The following ZMYM3 variants were observed in gnomAD, a reference collection of about 807,000 sequenced individuals.
ZMYM3 encodes the protein zinc finger MYM-type protein 3.
Under a neutral mutation model 94.2 loss-of-function variants are expected in ZMYM3, and 6 were observed. That is an observed-to-expected ratio of 0.06 (90% CI 0.03 to 0.13). ZMYM3 has a LOEUF of 0.13. ZMYM3 is among the 10% of genes least tolerant of loss of function. The pLI, the probability that ZMYM3 is intolerant of heterozygous loss-of-function variation, is 1.00. For missense variants in ZMYM3, 664 were observed against 1,132.6 expected (o/e 0.59, Z 5.94); for synonymous variants, 420 against 426.5 (o/e 0.98, Z 0.19).
intron 23 of ZMYM3, among the ~76,000 whole-genome samples, chrX:71,241,734 A>G (rs181734117): frequency 6.3e-5 from 7 of 111,875 alleles, no homozygotes; most frequent in Non-Finnish European, 7.5e-5. Flanking sequence ...GCATGGGTCC[A>G]GAGAAAGGAC....
chrX:71,250,095 C>G lies in ZMYM3; in HGVS notation c.1182G>C (p.Gln394His). The G allele has an allele frequency of 1.7e-6, 2 of 1,207,486 alleles. No homozygotes were observed. Among genetic ancestry groups the G allele is most frequent in the Non-Finnish European group, 2.2e-6 (2 of 893,700 alleles). ...GATCCCCAGACTGGGGGATCGGGCG[C>G]TGCTGCTGGGCCTCATACAGGGAGA... ...VCLSLYEAQQ[Q>H]RPIPQSGDPA... Residue 394 changes from glutamine (Q) to histidine (H), a missense_variant, in exon 6 of 25, where the codon CAG becomes CAC. Coordinates refer to ENST00000314425, the MANE Select transcript of ZMYM3 (RefSeq NM_201599.3).
chrX:71,250,850 G>T, intron 4 of ZMYM3, 124 bp from the exon 5 acceptor site: 2 of 685,125 alleles, frequency 2.9e-6, no homozygotes, highest in Non-Finnish European at 2.1e-6. Context: ...CCTGGCCCTT[G>T]TTACATCAGT....
rs370697599 is a variant in ZMYM3 at position 71,251,586 on chromosome X, G to A, written c.683C>T (p.Ala228Val). 6.9e-5 allele frequency: 82 copies of A among 1,189,416 alleles called. No individual in the cohort carries two copies. The Middle Eastern group carries it at 2.6e-3, about 37-fold the overall frequency. ...HPSLPGDGLT[A>V]KASEKPPERK... ...TTCAGGCGGCTTCTCACTCGCCTTC[G>A]CAGTCAGGCCATCTCCTGCAAAGGA... Residue 228 changes from alanine to valine, a missense_variant, in exon 3 of 25, where the codon GCG becomes GTG. By Grantham distance (64) the Ala-to-Val change is moderately conservative. Transcript: ENST00000314425.
At position 71,240,781 on chromosome X, in the gene ZMYM3, A is replaced by G; in HGVS notation, c.*135T>C. ...AAAAGCCAGGGTTCCTAGAGAAGGC[A>G]GGGAATGGGTGAGCGGAAAGGAGCA... On this transcript the variant is annotated 3_prime_UTR_variant, in exon 25 of 25. Coordinates refer to ENST00000314425, the MANE Select transcript of ZMYM3 (RefSeq NM_201599.3). 1 of 628,509 alleles carries G rather than the reference A, an allele frequency of 1.6e-6. No homozygotes were observed. The highest frequency in any genetic ancestry group is 2.4e-6 in the Non-Finnish European group (1 of 413,362). The allele number at this position is 628,509 out of a possible 1,213,427, so 51.8% of individuals were successfully genotyped here.
At chrX:71,251,961 G>C in intron 2 of ZMYM3, 1 of 598,922 alleles carries the variant, frequency 1.7e-6, no homozygotes, top group Non-Finnish European at 2.0e-6. Context: ...GGAAGCATCA[G>C]TGTATGGGTA....
At chrX:71,245,608 C>A in intron 17 of ZMYM3, 60 bp downstream of exon 17, 1 of 1,179,181 alleles carries the variant, frequency 8.5e-7, no homozygotes, top group Non-Finnish European at 1.1e-6. Flanking sequence ...ATACCACCCC[C>A]TCGGGCAGAG....
At position 71,253,160 on chromosome X, in the gene ZMYM3, C is replaced by G; in HGVS notation, c.96G>C (p.Glu32Asp). The G allele has an allele frequency of 8.3e-7, 1 of 1,205,805 alleles. No individual in the cohort carries two copies. Among genetic ancestry groups the G allele is most frequent in the Non-Finnish European group, 1.1e-6 (1 of 892,417 alleles). Reference protein sequence around the residue: ...GDLPVDMEFGEDLLESQTAPT... With the variant: ...GDLPVDMEFGDDLLESQTAPT... Reference sequence around the variant, plus strand: ...GGGCAGTCTGGGATTCCAGTAGATCCTCTCCAAATTCCATGTCTACTGGTA... The same window carrying G: ...GGGCAGTCTGGGATTCCAGTAGATCGTCTCCAAATTCCATGTCTACTGGTA... Residue 32 changes from glutamate (E) to aspartate (D), a missense_variant, in exon 2 of 25, where the codon GAG (glutamate) becomes GAC (aspartate). Physicochemically the swap from Glu to Asp is conservative, Grantham distance 45. This residue lies in a region of ZMYM3 where 196 missense variants were observed against 190.8 expected (regional missense o/e 1.03). Coordinates refer to ENST00000314425, the MANE Select transcript of ZMYM3 (RefSeq NM_201599.3).
At position 71,246,431 on chromosome X, in the gene ZMYM3, C is replaced by A; in HGVS notation, c.2494G>T (p.Ala832Ser). ...PPPATPRKNK[A>S]AMCKPLMQNR... ...TGCATCAGTGGCTTACACATGGCAGCCTTGTTTTTGCGGGGTGTTGCTGGG... is the reference window on the plus strand; with the variant it reads ...TGCATCAGTGGCTTACACATGGCAGACTTGTTTTTGCGGGGTGTTGCTGGG... Residue 832 changes from alanine (A) to serine (S), a missense_variant, in exon 15 of 25, where the codon GCT becomes TCT. Physicochemically the swap from Ala to Ser is moderately conservative, Grantham distance 99. This residue lies in a region of ZMYM3 where 57 missense variants were observed against 52.0 expected (regional missense o/e 1.10). Transcript: ENST00000314425. The A allele has an allele frequency of 1.0e-6, 1 of 995,071 alleles. No individual in the cohort carries two copies. The highest frequency in any genetic ancestry group is 2.2e-5 in the African/African-American group (1 of 45,650). 82.0% of individuals were successfully genotyped at this position (995,071 alleles called of 1,213,427 possible).
Position 71,243,946 on chromosome X carries a change from G to T in ZMYM3, c.3315C>A (p.Ala1105=). 1 of 1,211,813 alleles carries T rather than the reference G, an allele frequency of 8.3e-7. No individual in the cohort carries two copies. Among genetic ancestry groups the T allele is most frequent in the Non-Finnish European group, 1.1e-6 (1 of 895,549 alleles). The change falls in exon 21 of 25, where the codon GCC becomes GCA. Residue 1105 remains alanine (A), a synonymous_variant. Transcript: ENST00000314425. The part of the protein sequence containing the change: ...KPMRIKEDIL[A]CSAAELNYGL... ...CGTAGTTGAGCTCAGCAGCTGAGCAGGCGAGAATATCCTCTTTGATACGCA... is the reference window on the plus strand; with the variant it reads ...CGTAGTTGAGCTCAGCAGCTGAGCATGCGAGAATATCCTCTTTGATACGCA...
chrX:71,253,992 G>A (rs1357464946), intron 1 of ZMYM3, 37 bp downstream of exon 1: 1 of 108,174 alleles, frequency 9.2e-6, no homozygotes, highest in Non-Finnish European at 1.9e-5. Flanking sequence ...GATCCCGCTT[G>A]CAGGTTCGGT....
At position 71,244,433 on chromosome X, in the gene ZMYM3, C is replaced by T. The variant is rs752875079; in HGVS notation, c.3149G>A (p.Arg1050Gln). Residue 1050 changes from arginine (R) to glutamine (Q), a missense_variant, in exon 20 of 25, where the codon CGG (arginine) becomes CAG (glutamine). Arg to Gln is a conservative substitution (Grantham distance 43, BLOSUM62 1). Coordinates refer to ENST00000314425, the MANE Select transcript of ZMYM3 (RefSeq NM_201599.3). Reference protein sequence around the residue: ...KRLVLSESCSRDSMSSQPSCT... With the variant: ...KRLVLSESCSQDSMSSQPSCT... ...ACTAGGCTGACTGCTCATGGAGTCC[C>T]GGGAGCAGCTTTCGGAAAGCACCAG... 9.1e-6 allele frequency: 11 copies of T among 1,211,208 alleles called. No homozygotes were observed. Among genetic ancestry groups the T allele is most frequent in the East Asian group, 3.0e-5 (1 of 33,812 alleles).
At chrX:71,251,438 C>G in intron 3 of ZMYM3, 120 bp downstream of exon 3, 1 of 995,529 alleles carries the variant, frequency 1.0e-6, no homozygotes, top group Non-Finnish European at 1.4e-6. Context: ...TGCTCCCTCC[C>G]TCCTCCTAAC....
chrX:71,252,762 A>T lies in ZMYM3; in HGVS notation c.494T>A (p.Ile165Lys), dbSNP rs751245270. ...AGGGGAGCCCCTTCTTGCAGTAGCT[A>T]TGGAGGTGGTCTCCTCCTCTTCAAT... ...PHIEEEETTS[I>K]ATARRGSPGQ... is the part of the protein sequence containing the mutation. Residue 165 changes from isoleucine to lysine, a missense_variant, in exon 2 of 25, where the codon ATA becomes AAA. Coordinates refer to ENST00000314425, the MANE Select transcript of ZMYM3 (RefSeq NM_201599.3). 8.3e-7 allele frequency: 1 copy of T among 1,211,741 alleles called. No individual in the cohort carries two copies. Among genetic ancestry groups the T allele is most frequent in the East Asian group, 3.0e-5 (1 of 33,845 alleles).
At position 71,244,284 on chromosome X, in the gene ZMYM3, C is replaced by A; in HGVS notation, c.3280+18G>T. 8.3e-7 allele frequency: 1 copy of A among 1,207,992 alleles called. No individual in the cohort carries two copies. Among genetic ancestry groups the A allele is most frequent in the Non-Finnish European group, 1.1e-6 (1 of 893,511 alleles). ...CCCTGTCCCTGCCTCCCCACACCCC[C>A]CATCCCCAAGTACTTACGGCCAAAG... On this transcript the variant is annotated intron_variant, in intron 20 of 24. Coordinates refer to ENST00000314425, the MANE Select transcript of ZMYM3 (RefSeq NM_201599.3).
rs187178623 is a variant in ZMYM3 at position 71,244,224 on chromosome X, C to G, written c.3280+78G>C. ...CTTCTAGACATCTTCAGCTGAATCA[C>G]AGGCCCAGCCCCTTCTCCCCTTTCC... is the stretch of plus-strand genomic sequence containing the variant. On this transcript the variant is annotated intron_variant, in intron 20 of 24. Coordinates refer to ENST00000314425, the MANE Select transcript of ZMYM3 (RefSeq NM_201599.3). 8.9e-4 allele frequency: 1,010 copies of G among 1,139,357 alleles called. 6 individuals are homozygous for G. The highest frequency in any genetic ancestry group is 8.4e-5 in the Non-Finnish European group (71 of 849,519). The allele number at this position is 1,139,357 out of a possible 1,213,427, so 93.9% of individuals were successfully genotyped here.
Position 71,251,411 on chromosome X carries a change from C to A in ZMYM3, c.711+147G>T, listed in dbSNP as rs762662804. 35 of 936,290 alleles carry A rather than the reference C, an allele frequency of 3.7e-5. No individual in the cohort carries two copies. In the South Asian group the frequency reaches 8.2e-4, roughly 22 times the overall value. The allele number at this position is 936,290 out of a possible 1,213,427, so 77.2% of individuals were successfully genotyped here. A position where few individuals can be genotyped will look rare whatever the true frequency, so the allele number is the denominator to read the frequency against. ...AAAGGAGGTTGGACTTTCTCCCCAA[C>A]AAGCAGTAGACACTAGTGCTCCCTC... On this transcript the variant is annotated intron_variant, in intron 3 of 24. Coordinates refer to ENST00000314425, the MANE Select transcript of ZMYM3 (RefSeq NM_201599.3).
rs372278435 is a variant in ZMYM3, at chrX:71,241,122, G to A, written c.3921-14C>T. On this transcript the variant is annotated splice_polypyrimidine_tract_variant and intron_variant, in intron 24 of 24. Coordinates refer to ENST00000314425, the MANE Select transcript of ZMYM3 (RefSeq NM_201599.3). ...AGGCTTTCAGGACTGCAACATCGGG[G>A]GTGGGAGTGGGAGTGGGGGTGGCAG... 177 of 1,199,669 alleles carry A rather than the reference G, an allele frequency of 1.5e-4. No individual in the cohort carries two copies. The highest frequency in any genetic ancestry group is 1.9e-4 in the Non-Finnish European group (167 of 888,764).
At chrX:71,245,197 G>A (rs924121454) in intron 18 of ZMYM3, 142 bp downstream of exon 18, 1 of 746,953 alleles carries the variant, frequency 1.3e-6, no homozygotes, top group Non-Finnish European at 1.9e-6. Flanking sequence ...TGGTGTCTCT[G>A]GCACTGCTCC....
chrX:71,243,084 A>T lies in ZMYM3; in HGVS notation c.3433T>A (p.Tyr1145Asn). 8.3e-7 allele frequency: 1 copy of T among 1,202,807 alleles called. No individual in the cohort carries two copies. The highest frequency in any genetic ancestry group is 1.1e-6 in the Non-Finnish European group (1 of 887,424). Reference sequence around the variant, plus strand: ...ACCATCCGGTTATTTTCCAGCAAGTACTGGGGAAAGAAAAACAGACACACC... The same window carrying T: ...ACCATCCGGTTATTTTCCAGCAAGTTCTGGGGAAAGAAAAACAGACACACC... ...IYYLCLGIQQ[Y>N]LLENNRMVNI... The change falls in exon 22 of 25, where the codon TAC becomes AAC. Residue 1145 changes from tyrosine to asparagine, a missense_variant and splice_region_variant. Physicochemically the swap from Tyr to Asn is moderately radical, Grantham distance 143 (BLOSUM62 -2). Coordinates refer to ENST00000314425, the MANE Select transcript of ZMYM3 (RefSeq NM_201599.3).
Sources: gnomAD v4.1 joint callset for allele counts (sites outside exome capture counted in the v4.1 genomes callset) on GRCh38, gnomAD v4.1.1 for gene constraint, gnomAD v4.1.1 regional missense constraint, MANE v1.5 for transcripts, NCBI Gene and HGNC (gene_info 2026-07-23, HGNC 2026-07-21) for gene names.